Variants in PIP5K1A observed in about 807,000 individuals in gnomAD.
PIP5K1A encodes phosphatidylinositol 4-phosphate 5-kinase type-1 alpha.
In PIP5K1A, 46 loss-of-function variants were observed where a neutral mutation model predicts 72.9. The observed-to-expected ratio is 0.63, with a 90% CI of 0.50 to 0.81. The LOEUF is 0.81. Ranked by LOEUF, PIP5K1A falls within the 30% of genes least tolerant of loss-of-function variation. PIP5K1A has a pLI of 0.00. For missense variants in PIP5K1A, 458 were observed against 706.1 expected (o/e 0.65, Z 3.98); for synonymous variants, 228 against 255.1 (o/e 0.89, Z 1.01).
At position 151,204,366 on chromosome 1, in the gene PIP5K1A, G is replaced by A. The variant is rs376165783; in HGVS notation, c.85+5285G>A. ...TAATTTTTGTATTTTTAGTAGAGACGGGGTTTCGCCATGTTGGCCAGGCTA... is the reference window on the plus strand; with the variant it reads ...TAATTTTTGTATTTTTAGTAGAGACAGGGTTTCGCCATGTTGGCCAGGCTA... On this transcript the variant is annotated intron_variant, in intron 1 of 15. Transcript: ENST00000368888. 1.5e-3 allele frequency among the ~76,000 whole-genome samples: 222 copies of A among 152,048 alleles called. 1 individual carries two copies. The highest frequency in any genetic ancestry group is 5.1e-3 in the African/African-American group (213 of 41,488).
At chr1:151,239,247 T>G in intron 11 of PIP5K1A, 69 bp downstream of exon 11, 1 of 1,002,288 alleles carries the variant, frequency 1.0e-6, no homozygotes, top group Non-Finnish European at 1.5e-6. Context: ...TGGCCTCAGT[T>G]TCTTGCAATT....
rs1183739211 is a variant in PIP5K1A, at chr1:151,249,254, T to C, written c.*1389T>C. ...CCAGCCAGTTTCTGGCTGCCTGTCT[T>C]TGCTGCCATGTTTTTTACAAGAAGG... On this transcript the variant is annotated 3_prime_UTR_variant, in exon 16 of 16. Coordinates refer to ENST00000368888, the MANE Select transcript of PIP5K1A (RefSeq NM_001135638.2). The C allele has an allele frequency of 6.6e-6, 1 of 152,162 alleles. No homozygotes were observed. Among genetic ancestry groups the C allele is most frequent in the Non-Finnish European group, 1.5e-5 (1 of 68,016 alleles). The allele number at this position is 152,162 out of a possible 1,614,324, so 9.4% of individuals were successfully genotyped here.
intron 12 of PIP5K1A, 122 bp from the exon 13 acceptor site, chr1:151,242,001 C>T (rs1691801456): frequency 1.1e-6 from 1 of 889,736 alleles, no homozygotes; most frequent in Non-Finnish European, 1.8e-6. Context: ...TTGACATTAG[C>T]CTTTTCACTT....
Position 151,231,721 on chromosome 1 carries a change from T to C in PIP5K1A, c.288T>C (p.Thr96=), listed in dbSNP as rs771977643. The change falls in exon 5 of 16, where the codon ACT becomes ACC. Residue 96 remains threonine, a synonymous_variant. Coordinates refer to ENST00000368888, the MANE Select transcript of PIP5K1A (RefSeq NM_001135638.2). The part of the protein sequence containing the change: ...KGAIQLGITH[T]VGSLSTKPER... ...CCATCCAGTTAGGCATTACCCACAC[T>C]GTGGGGAGCCTGAGTACCAAACCAG... The C allele has an allele frequency of 2.0e-5, 32 of 1,613,588 alleles. No individual in the cohort carries two copies. The South Asian group carries it at 3.3e-4, about 17-fold the overall frequency.
chr1:151,226,445 C>G (rs191469318), intron 3 of PIP5K1A, among the ~76,000 whole-genome samples: 16 of 152,192 alleles, frequency 1.1e-4, no homozygotes, highest in African/African-American at 3.9e-4. Context: ...GGTGCAGTGC[C>G]TCACACCTAT....
At chr1:151,218,139 G>A (rs1383500094) in intron 1 of PIP5K1A, among the ~76,000 whole-genome samples, 1 of 152,124 alleles carries the variant, frequency 6.6e-6, no homozygotes, top group Non-Finnish European at 1.5e-5. Flanking sequence ...TGCTAGTGAG[G>A]ACCTTAACGT....
At position 151,242,128 on chromosome 1, in the gene PIP5K1A, CCTT is replaced by C; in HGVS notation, c.1372_1374del (p.Ser458del). 2.5e-6 allele frequency: 4 copies of C among 1,614,136 alleles called. No homozygotes were observed. Among genetic ancestry groups the C allele is most frequent in the East Asian group, 2.2e-5 (1 of 44,884 alleles). On this transcript the variant is annotated inframe_deletion, in exon 13 of 16. Coordinates refer to ENST00000368888, the MANE Select transcript of PIP5K1A (RefSeq NM_001135638.2). ...TCTCTCTTTCCCTTTTGAAGTGAAG[CCTT>C]CTCCTTCCAAAAAGTTTCGGTCTGG...
At chr1:151,242,311 C>T (rs1691858833) in intron 13 of PIP5K1A, 42 bp downstream of exon 13, 2 of 1,603,580 alleles carry the variant, frequency 1.2e-6, no homozygotes, top group African/African-American at 1.3e-5. Flanking sequence ...TGGGTACTCC[C>T]TCCCTTCCTT....
chr1:151,205,512 AG>A (rs1685805548), intron 1 of PIP5K1A, among the ~76,000 whole-genome samples: 1 of 151,702 alleles, frequency 6.6e-6, no homozygotes, highest in African/African-American at 2.4e-5. Flanking sequence ...CTTGACGTAA[AG>A]AAGGGAACAA....
At chr1:151,237,496 A>G (rs1223691434) in intron 9 of PIP5K1A, among the ~76,000 whole-genome samples, 1 of 152,120 alleles carries the variant, frequency 6.6e-6, no homozygotes, top group Admixed American at 6.6e-5. Flanking sequence ...CCTCATCACT[A>G]CAAAAACTCA....
At chr1:151,231,618 G>T in intron 4 of PIP5K1A, 53 bp from the exon 5 acceptor site, 10 of 1,541,406 alleles carry the variant, frequency 6.5e-6, no homozygotes, top group Non-Finnish European at 9.0e-6. Flanking sequence ...AATTTTTATT[G>T]TTATGATCCT....
intron 11 of PIP5K1A, among the ~76,000 whole-genome samples, chr1:151,239,526 G>A (rs1691379882): frequency 6.6e-6 from 1 of 150,706 alleles, no homozygotes; most frequent in Non-Finnish European, 1.5e-5. Flanking sequence ...GCCTACCTTG[G>A]CCTCCCAAAG....
chr1:151,219,381 C>CAAA (rs1179510165), intron 1 of PIP5K1A, among the ~76,000 whole-genome samples: 1 of 67,206 alleles, frequency 1.5e-5, no homozygotes, highest in Non-Finnish European at 3.0e-5. Context: ...ACTCTCGTCT[C>CAAA]AAAAAAAAAA....
Position 151,199,056 on chromosome 1 carries a change from G to A in PIP5K1A, c.60G>A (p.Ala20=), listed in dbSNP as rs1684818594. Residue 20 remains alanine, a synonymous_variant, in exon 1 of 16, where the codon GCG becomes GCA. Transcript: ENST00000368888. ...TCGGTTTTTCATCCTTTGATCCCGC[G>A]GTCCCTTCCTGTACCTTGTCCTCAG... The part of the protein sequence containing the change: ...SSVGFSSFDP[A]VPSCTLSSAA... 6 of 1,614,152 alleles carry A rather than the reference G, an allele frequency of 3.7e-6. No individual in the cohort carries two copies. In the Admixed American group the frequency reaches 5.0e-5, roughly 13 times the overall value.
At chr1:151,232,506 G>T in intron 6 of PIP5K1A, 45 bp from the exon 7 acceptor site, 2 of 1,578,196 alleles carry the variant, frequency 1.3e-6, no homozygotes, top group Non-Finnish European at 8.6e-7. Context: ...GTTGGGCAAG[G>T]CCCTGATGTG....
intron 9 of PIP5K1A, among the ~76,000 whole-genome samples, 165 bp from the exon 10 acceptor site, chr1:151,238,017 G>GT (rs1203061404): frequency 1.3e-5 from 2 of 152,000 alleles, no homozygotes; most frequent in South Asian, 2.1e-4. Flanking sequence ...ATTTTCTCCT[G>GT]TTTTTTTAAT....
At chr1:151,233,954 T>C (rs112078688) in intron 7 of PIP5K1A, among the ~76,000 whole-genome samples, 4 of 152,218 alleles carry the variant, frequency 2.6e-5, no homozygotes, top group African/African-American at 9.6e-5. Context: ...AATATATCCA[T>C]CTTATATTGG....
At chr1:151,233,049 G>A (rs587766725) in intron 7 of PIP5K1A, among the ~76,000 whole-genome samples, 471 of 144,376 alleles carry the variant, frequency 3.3e-3, no homozygotes, top group Non-Finnish European at 5.7e-3. Flanking sequence ...GCAGTGAGCC[G>A]AGATCCTGCC....
chr1:151,218,231 G>C (rs1317237365), intron 1 of PIP5K1A, among the ~76,000 whole-genome samples: 1 of 152,262 alleles, frequency 6.6e-6, no homozygotes, highest in East Asian at 1.9e-4. Flanking sequence ...GCCTAATTCA[G>C]AACAAAGGTA....
Sources: gnomAD v4.1 joint callset for allele counts (sites outside exome capture counted in the v4.1 genomes callset) on GRCh38, gnomAD v4.1.1 for gene constraint, MANE v1.5 for transcripts, NCBI Gene and HGNC (gene_info 2026-07-23, HGNC 2026-07-21) for gene names.